The following AKR1C1 variants were observed in gnomAD, a reference collection of about 807,000 sequenced individuals.
The protein encoded by AKR1C1 is aldo-keto reductase family 1 member C1.
A neutral mutation model predicts 40.6 loss-of-function variants in AKR1C1; 32 were observed. That is an observed-to-expected ratio of 0.79 (90% CI 0.60 to 1.06). The LOEUF (loss-of-function observed/expected upper bound fraction) is 1.06. Ranked by LOEUF, AKR1C1 falls within the 50% of genes least tolerant of loss-of-function variation. The probability of loss-of-function intolerance (pLI) is 0.00; values close to 1 mark genes in which losing one functional copy is unlikely to be tolerated. For missense variants in AKR1C1, 320 were observed against 363.5 expected, an observed-to-expected ratio of 0.88 and a Z score of 0.97; for synonymous variants, 105 against 134.2, an observed-to-expected ratio of 0.78 and a Z score of 1.50.
intron 7 of AKR1C1, among the ~76,000 whole-genome samples, chr10:4,974,160 A>T: frequency 6.6e-6 from 1 of 151,756 alleles, no homozygotes; most frequent in Non-Finnish European, 1.5e-5. Flanking sequence ...AAAACCCACA[A>T]AACTAAAAGG....
rs1209483536 is a variant in AKR1C1 at position 4,978,984 on chromosome 10, C to G, written c.*1242C>G. Reference sequence around the variant, plus strand: ...TGGGATAATCTCATGCCTTAATGATCAAAGCATTATGAGAAGGACAGTGGT... The same window carrying G: ...TGGGATAATCTCATGCCTTAATGATGAAAGCATTATGAGAAGGACAGTGGT... On this transcript the variant is annotated 3_prime_UTR_variant, in exon 9 of 9. Transcript: ENST00000380872. 4 of 152,150 alleles carry G rather than the reference C, an allele frequency of 2.6e-5. No homozygotes were observed. Among genetic ancestry groups the G allele is most frequent in the African/African-American group, 9.7e-5 (4 of 41,418 alleles). The allele number at this position is 152,150 out of a possible 1,614,324, so 9.4% of individuals were successfully genotyped here. A position where few individuals can be genotyped will look rare whatever the true frequency, so the allele number is the denominator to read the frequency against.
At position 4,972,906 on chromosome 10, in the gene AKR1C1, A is replaced by T. The variant is rs568428762; in HGVS notation, c.846+157A>T. 2.0e-5 allele frequency among the ~76,000 whole-genome samples: 3 copies of T among 152,394 alleles called. No individual in the cohort carries two copies. The East Asian group carries it at 5.8e-4, about 29-fold the overall frequency. ...ACGTCATAAGGGTTTCTTCTACTCT[A>T]GCACAGGAGAGGCAACAGAGGTGGA... On this transcript the variant is annotated intron_variant, in intron 7 of 8. Coordinates refer to ENST00000380872, the MANE Select transcript of AKR1C1 (RefSeq NM_001353.6).
rs1366131557 is a variant in AKR1C1 at position 4,979,318 on chromosome 10, A to G, written c.*1576A>G. The G allele has an allele frequency of 2.1e-4, 32 of 152,182 alleles. No individual in the cohort carries two copies. Among genetic ancestry groups the G allele is most frequent in the African/African-American group, 6.5e-4 (27 of 41,446 alleles). 9.4% of individuals were successfully genotyped at this position (152,182 alleles called of 1,614,324 possible). A position where few individuals can be genotyped will look rare whatever the true frequency, so the allele number is the denominator to read the frequency against. The stretch of plus-strand genomic sequence containing the variant: ...TAGGCTGAAAAATCCCCCTAAAAAT[A>G]TTTCTAGCTCAGATTTTTCCTCCAA... On this transcript the variant is annotated 3_prime_UTR_variant, in exon 9 of 9. Coordinates refer to ENST00000380872, the MANE Select transcript of AKR1C1 (RefSeq NM_001353.6).
rs962450585 is a variant in AKR1C1, at chr10:4,969,901, G to A, written c.570+957G>A. On this transcript the variant is annotated intron_variant, in intron 5 of 8. Coordinates refer to ENST00000380872, the MANE Select transcript of AKR1C1 (RefSeq NM_001353.6). ...ATAAAATTAGTGAATTTGGTATAAT[G>A]ATACGGTGCTGTGATAATTTAATAA... 1.2e-5 allele frequency: 7 copies of A among 593,502 alleles called. No homozygotes were observed. The African/African-American group carries it at 1.3e-4, about 11-fold the overall frequency. The allele number at this position is 593,502 out of a possible 1,614,324, so 36.8% of individuals were successfully genotyped here.
At chr10:4,971,386 G>A (rs1196024272) in intron 5 of AKR1C1, among the ~76,000 whole-genome samples, 2 of 151,666 alleles carry the variant, frequency 1.3e-5, no homozygotes, top group African/African-American at 4.8e-5. Flanking sequence ...AGTAGACAAA[G>A]ATTGTTGTTC....
chr10:4,973,061 C>T lies in AKR1C1; in HGVS notation c.846+312C>T, dbSNP rs1836464473. ...AAGCATTGATTAGATGTTCTTTAGT[C>T]TCCAACTCATGGCGGATTTTTCTTC... On this transcript the variant is annotated intron_variant, in intron 7 of 8. Transcript: ENST00000380872. 2.6e-5 allele frequency among the ~76,000 whole-genome samples: 4 copies of T among 152,176 alleles called. No individual in the cohort carries two copies. In the South Asian group the frequency reaches 8.3e-4, roughly 32 times the overall value.
At chr10:4,973,920 T>TC (rs1554770178) in intron 7 of AKR1C1, among the ~76,000 whole-genome samples, 1 of 129,562 alleles carries the variant, frequency 7.7e-6, no homozygotes, top group Non-Finnish European at 1.7e-5. Context: ...TGAAATATCA[T>TC]ATATGATATA....
chr10:4,969,665 C>T (rs1328535980), intron 5 of AKR1C1: 1 of 1,609,912 alleles, frequency 6.2e-7, no homozygotes, highest in Non-Finnish European at 8.5e-7. Flanking sequence ...TCTATGTGTT[C>T]CTTTTGTAGC....
chr10:4,981,631 C>G lies in AKR1C1; in HGVS notation c.*3889C>G, dbSNP rs536859140. 1.8e-4 allele frequency: 28 copies of G among 152,214 alleles called. No individual in the cohort carries two copies. The highest frequency in any genetic ancestry group is 7.2e-4 in the Admixed American group (11 of 15,280). 9.4% of individuals were successfully genotyped at this position (152,214 alleles called of 1,614,324 possible). ...AAGAAGTCTCAGGCACAATCCTACT[C>G]CATGAAATAAGAAAAAACCATCACA... On this transcript the variant is annotated 3_prime_UTR_variant, in exon 9 of 9. Coordinates refer to ENST00000380872, the MANE Select transcript of AKR1C1 (RefSeq NM_001353.6).
intron 5 of AKR1C1, among the ~76,000 whole-genome samples, chr10:4,969,515 G>A (rs2131642966): frequency 6.6e-6 from 1 of 151,604 alleles, no homozygotes; most frequent in East Asian, 1.9e-4. Flanking sequence ...GTTTATGGGA[G>A]ATATCTGTTC....
Position 4,969,688 on chromosome 10 carries a change from C to T in AKR1C1, c.570+744C>T, listed in dbSNP as rs766802651. 9 of 1,611,666 alleles carry T rather than the reference C, an allele frequency of 5.6e-6. No homozygotes were observed. In the South Asian group the frequency reaches 7.7e-5, roughly 14 times the overall value. On this transcript the variant is annotated intron_variant, in intron 5 of 8. Transcript: ENST00000380872. Reference sequence around the variant, plus strand: ...TTCCTTTTGTAGCCTAGAGATAATTCCATCTTTTCCTTGAGTCCTGACTGG... The same window carrying T: ...TTCCTTTTGTAGCCTAGAGATAATTTCATCTTTTCCTTGAGTCCTGACTGG...
At chr10:4,966,194 T>C (rs1404530161) in intron 2 of AKR1C1, 113 bp downstream of exon 2, 3 of 1,497,962 alleles carry the variant, frequency 2.0e-6, no homozygotes, top group Non-Finnish European at 2.7e-6. Context: ...TTTATTACGA[T>C]TTATTCACAC....
At chr10:4,969,616 G>A in intron 5 of AKR1C1, 1 of 1,584,432 alleles carries the variant, frequency 6.3e-7, no homozygotes, top group Non-Finnish European at 8.6e-7. Flanking sequence ...CTCTTCTTTG[G>A]AGTCTGTCAT....
Position 4,977,936 on chromosome 10 carries a change from T to G in AKR1C1, c.*194T>G. The G allele has an allele frequency of 1.3e-6, 1 of 751,278 alleles. No homozygotes were observed. Among genetic ancestry groups the G allele is most frequent in the African/African-American group, 1.8e-5 (1 of 54,484 alleles). 46.5% of individuals were successfully genotyped at this position (751,278 alleles called of 1,614,324 possible). The stretch of plus-strand genomic sequence containing the variant: ...TTTTGTTTTTTCATTTTGAAAAAAT[T>G]AAATGCTCTCTCCTAAAGATTCTTC... On this transcript the variant is annotated 3_prime_UTR_variant, in exon 9 of 9. Transcript: ENST00000380872.
At chr10:4,971,068 GA>G (rs1412958800) in intron 5 of AKR1C1, among the ~76,000 whole-genome samples, 1 of 151,810 alleles carries the variant, frequency 6.6e-6, no homozygotes, top group African/African-American at 2.4e-5. Context: ...ATTCTCAACA[GA>G]AGAAGTCATA....
At chr10:4,966,666 T>C (rs1295455925) in intron 2 of AKR1C1, among the ~76,000 whole-genome samples, 1 of 152,236 alleles carries the variant, frequency 6.6e-6, no homozygotes, top group African/African-American at 2.4e-5. Context: ...AGATAATGGG[T>C]ATGCTTATGA....
intron 2 of AKR1C1, among the ~76,000 whole-genome samples, chr10:4,966,404 A>T (rs1836335044): frequency 6.6e-6 from 1 of 152,196 alleles, no homozygotes; most frequent in South Asian, 2.1e-4. Context: ...AGTTTCTTAC[A>T]CTTGTTATGA....
chr10:4,970,017 A>G, intron 5 of AKR1C1: 1 of 381,516 alleles, frequency 2.6e-6, no homozygotes, highest in Non-Finnish European at 4.8e-6. Context: ...TTTGATAAAA[A>G]TAATACTGGA....
chr10:4,969,934 G>A, intron 5 of AKR1C1: 1 of 505,684 alleles, frequency 2.0e-6, no homozygotes, highest in Non-Finnish European at 3.4e-6. Context: ...TAAAAGCATT[G>A]AGAAATTAAT....
Sources: gnomAD v4.1 joint callset for allele counts (sites outside exome capture counted in the v4.1 genomes callset) on GRCh38, gnomAD v4.1.1 for gene constraint, MANE v1.5 for transcripts, NCBI Gene and HGNC (gene_info 2026-07-23, HGNC 2026-07-21) for gene names.